The following ACSM5 variants were observed in gnomAD, a reference collection of about 807,000 sequenced individuals.
The protein encoded by ACSM5 is acyl-coenzyme A synthetase ACSM5, mitochondrial.
Under a neutral mutation model 71.6 loss-of-function variants are expected in ACSM5, and 56 were observed. That is an observed-to-expected ratio of 0.78 (90% CI 0.63 to 0.98). The LOEUF (loss-of-function observed/expected upper bound fraction) is 0.98, where lower values mean the gene tolerates loss of function less well. Ranked by LOEUF, ACSM5 falls within the 50% of genes least tolerant of loss-of-function variation. The probability of loss-of-function intolerance (pLI) is 0.00; values close to 1 mark genes in which losing one functional copy is unlikely to be tolerated. For synonymous variants in ACSM5, 285 were observed against 281.5 expected, an observed-to-expected ratio of 1.01 and a Z score of -0.12; for missense variants, 723 against 726.0, an observed-to-expected ratio of 1.00 and a Z score of 0.05.
chr16:20,429,762 T>G lies in ACSM5; in HGVS notation c.1086T>G (p.Thr362=), dbSNP rs8063682. 5.0e-6 allele frequency: 8 copies of G among 1,600,226 alleles called. No homozygotes were observed. The highest frequency in any genetic ancestry group is 6.8e-6 in the Non-Finnish European group (8 of 1,171,104). ...PDVREKWKHQ[T]GVELYEGYGQ... ...TGAGGGAGAAGTGGAAACACCAGAC[T>G]GGTGTGGAGCTGTACGAAGGCTATG... Residue 362 remains threonine, a synonymous_variant, in exon 8 of 14, where the codon ACT becomes ACG. Transcript: ENST00000331849.
intron 5 of ACSM5, among the ~76,000 whole-genome samples, chr16:20,423,698 T>C (rs1287947757): frequency 1.3e-5 from 2 of 152,246 alleles, no homozygotes; most frequent in Non-Finnish European, 2.9e-5. Flanking sequence ...CTGTGAACTT[T>C]CTGGAAACTC....
At chr16:20,420,063 G>T (rs1023024881) in intron 4 of ACSM5, among the ~76,000 whole-genome samples, 9 of 152,190 alleles carry the variant, frequency 5.9e-5, no homozygotes, top group African/African-American at 1.2e-4. Context: ...GAGAGCAGAT[G>T]TGCCTTGGAG....
intron 10 of ACSM5, among the ~76,000 whole-genome samples, chr16:20,434,135 T>A (rs918047403): frequency 1.3e-5 from 2 of 152,194 alleles, no homozygotes; most frequent in Non-Finnish European, 2.9e-5. Flanking sequence ...CATCAAATCA[T>A]TAAGTTTTTA....
chr16:20,427,453 C>G lies in ACSM5; in HGVS notation c.922-335C>G, dbSNP rs375313401. 2.1e-3 allele frequency among the ~76,000 whole-genome samples: 323 copies of G among 152,144 alleles called. 1 individual carries two copies. Among genetic ancestry groups the G allele is most frequent in the Admixed American group, 2.7e-3 (42 of 15,290 alleles). On this transcript the variant is annotated intron_variant, in intron 6 of 13. Coordinates refer to ENST00000331849, the MANE Select transcript of ACSM5 (RefSeq NM_017888.3). Reference sequence around the variant, plus strand: ...ACTCAAAACATGGTGGCTTGCTTCCCCCAGAACAAGGGATCCAAGAAAGGC... The same window carrying G: ...ACTCAAAACATGGTGGCTTGCTTCCGCCAGAACAAGGGATCCAAGAAAGGC...
chr16:20,421,172 G>T, intron 4 of ACSM5, 86 bp from the exon 5 acceptor site: 2 of 1,430,688 alleles, frequency 1.4e-6, no homozygotes, highest in South Asian at 3.1e-5. Context: ...TTATGAAACG[G>T]TAGTCATATT....
At chr16:20,419,462 G>A (rs375729525) in intron 4 of ACSM5, 27 bp downstream of exon 4, 34 of 1,604,912 alleles carry the variant, frequency 2.1e-5, no homozygotes, top group Non-Finnish European at 2.8e-5. Flanking sequence ...CAGAACAGCA[G>A]AAAAATGAAG....
At chr16:20,433,966 CA>C (rs1235045041) in intron 10 of ACSM5, among the ~76,000 whole-genome samples, 2 of 152,040 alleles carry the variant, frequency 1.3e-5, no homozygotes. Flanking sequence ...CATGAGCCAC[CA>C]CTCCCAGCCT....
At chr16:20,419,470 A>T in intron 4 of ACSM5, 35 bp downstream of exon 4, 1 of 1,597,844 alleles carries the variant, frequency 6.3e-7, no homozygotes, top group Non-Finnish European at 8.6e-7. Flanking sequence ...CAGAAAAATG[A>T]AGTCATTTCC....
intron 8 of ACSM5, 97 bp from the exon 9 acceptor site, chr16:20,430,896 G>T: frequency 1.2e-6 from 1 of 801,662 alleles, no homozygotes; most frequent in South Asian, 1.9e-5. Context: ...AAAAGAGGAT[G>T]AGAGAAAGAG....
chr16:20,425,476 A>G (rs139367081), intron 6 of ACSM5, among the ~76,000 whole-genome samples: 6,742 of 152,196 alleles, frequency 0.044, 160 homozygotes, highest in South Asian at 0.06. Context: ...GTGGTGTTTG[A>G]TTACATGAGT....
chr16:20,421,865 C>G (rs1298430822), intron 5 of ACSM5, among the ~76,000 whole-genome samples: 2 of 151,244 alleles, frequency 1.3e-5, no homozygotes, highest in Admixed American at 1.3e-4. Context: ...CACCCCATTA[C>G]CCTCTCCCCT....
chr16:20,431,271 G>A lies in ACSM5; in HGVS notation c.1258G>A (p.Ala420Thr). 2.5e-6 allele frequency: 4 copies of A among 1,614,170 alleles called. No homozygotes were observed. Residue 420 changes from alanine (A) to threonine (T), a missense_variant, in exon 10 of 14, where the codon GCC becomes ACC. Ala to Thr is a moderately conservative substitution (Grantham distance 58, BLOSUM62 0). Coordinates refer to ENST00000331849, the MANE Select transcript of ACSM5 (RefSeq NM_017888.3). ...GCCTCCTGGAGAAGAGGGGAATGTT[G>A]CCGTCCGTATCAGACCCACTCGGCC... The part of the protein sequence containing the change: ...VLPPGEEGNV[A>T]VRIRPTRPFC...
intron 3 of ACSM5, 27 bp from the exon 4 acceptor site, chr16:20,419,201 T>A: frequency 6.2e-7 from 1 of 1,613,018 alleles, no homozygotes; most frequent in Non-Finnish European, 8.5e-7. Flanking sequence ...CGCTATCCAC[T>A]CAACATCCCC....
In ACSM5 at chr16:20,438,816, G is replaced by A. The variant is rs531632823; in HGVS notation, c.1537-984G>A. ...TAAAAATACTAAAAATTAGCCAGGC[G>A]TGGCGGTGGGCGCCTATAATCCCAG... is the stretch of plus-strand genomic sequence containing the variant. On this transcript the variant is annotated intron_variant, in intron 12 of 13. Coordinates refer to ENST00000331849, the MANE Select transcript of ACSM5 (RefSeq NM_017888.3). Among the ~76,000 whole-genome samples, 3 of 151,280 alleles carry A rather than the reference G, an allele frequency of 2.0e-5. No individual in the cohort carries two copies. In the South Asian group the frequency reaches 6.3e-4, roughly 32 times the overall value.
At position 20,429,663 on chromosome 16, in the gene ACSM5, T is replaced by C. The variant is rs1967054595; in HGVS notation, c.1002-15T>C. 6.2e-7 allele frequency: 1 copy of C among 1,613,776 alleles called. No homozygotes were observed. The highest frequency in any genetic ancestry group is 2.2e-5 in the East Asian group (1 of 44,828). ...GATCCTGACATAGGTGGCCTTGTTT[T>C]CCTGTCTGAGAAAGGTACCAGTTTC... On this transcript the variant is annotated splice_polypyrimidine_tract_variant and intron_variant, in intron 7 of 13. Transcript: ENST00000331849.
intron 9 of ACSM5, 32 bp from the exon 10 acceptor site, chr16:20,431,188 C>G (rs35468793): frequency 6.2e-7 from 1 of 1,600,622 alleles, no homozygotes; most frequent in Admixed American, 1.7e-5. Flanking sequence ...TAGACACTCA[C>G]GTATGCACCT....
chr16:20,439,883 G>C lies in ACSM5; in HGVS notation c.1620G>C (p.Val540=). 1 of 1,612,446 alleles carries C rather than the reference G, an allele frequency of 6.2e-7. No homozygotes were observed. Among genetic ancestry groups the C allele is most frequent in the Non-Finnish European group, 8.5e-7 (1 of 1,178,786 alleles). The change falls in exon 13 of 14, where the codon GTG becomes GTC. Residue 540 remains valine (V), a synonymous_variant. Coordinates refer to ENST00000331849, the MANE Select transcript of ACSM5 (RefSeq NM_017888.3). ...EALTRELQEH[V]KRVTAPYKYP... The stretch of plus-strand genomic sequence containing the variant: ...TAACGCGGGAACTCCAGGAGCATGT[G>C]AAAAGGGTGACTGCTCCATACAAAT...
intron 6 of ACSM5, among the ~76,000 whole-genome samples, chr16:20,427,519 A>G (rs1230604498): frequency 6.6e-6 from 1 of 152,264 alleles, no homozygotes; most frequent in Non-Finnish European, 1.5e-5. Flanking sequence ...TAGTCTTTGT[A>G]TAACCGAATC....
chr16:20,439,823 T>C lies in ACSM5; in HGVS notation c.1560T>C (p.Leu520=). 1.7e-5 allele frequency: 27 copies of C among 1,604,600 alleles called. No homozygotes were observed. Among genetic ancestry groups the C allele is most frequent in the Non-Finnish European group, 2.2e-5 (26 of 1,172,024 alleles). Reference sequence around the variant, plus strand: ...AGGTGGTAAAGGCATTTATAGTCCTTACTCCAGCCTACTCCTCTCATGACC... The same window carrying C: ...AGGTGGTAAAGGCATTTATAGTCCTCACTCCAGCCTACTCCTCTCATGACC... ...RGEVVKAFIV[L]TPAYSSHDPE... is the part of the protein sequence containing the mutation. The change falls in exon 13 of 14, where the codon CTT becomes CTC. Residue 520 remains leucine, a synonymous_variant. Transcript: ENST00000331849.
Sources: gnomAD v4.1 joint callset for allele counts (sites outside exome capture counted in the v4.1 genomes callset) on GRCh38, gnomAD v4.1.1 for gene constraint, MANE v1.5 for transcripts, NCBI Gene and HGNC (gene_info 2026-07-23, HGNC 2026-07-21) for gene names.